RGS7: variants seen among roughly 807,000 people sequenced by gnomAD.
The protein encoded by RGS7 is regulator of G protein signaling 7.
Under a neutral mutation model 81.1 loss-of-function variants are expected in RGS7, and 27 were observed. The ratio of observed to expected loss-of-function variants is 0.33; its 90% CI spans 0.25 to 0.46. The LOEUF (loss-of-function observed/expected upper bound fraction) is 0.46. Among genes scored for constraint, RGS7 ranks in the 20% least tolerant of loss-of-function variants. The pLI is 1.00. For synonymous variants in RGS7, 208 were observed against 207.7 expected, an observed-to-expected ratio of 1.00 and a Z score of -0.01; for missense variants, 396 against 607.4, an observed-to-expected ratio of 0.65 and a Z score of 3.66.
intron 2 of RGS7, among the ~76,000 whole-genome samples, chr1:241,227,115 A>C (rs975524004): frequency 3.3e-5 from 5 of 152,150 alleles, no homozygotes; most frequent in Non-Finnish European, 7.4e-5. Flanking sequence ...CACTTATGTC[A>C]AGAGGGGAAA....
intron 2 of RGS7, chr1:241,305,743 G>A (rs1041991590): frequency 4.6e-6 from 1 of 217,448 alleles, no homozygotes; most frequent in Non-Finnish European, 9.4e-6. Flanking sequence ...CGCTCTATGG[G>A]ACAAAGCCAC....
chr1:240,959,732 T>A (rs901601310), intron 4 of RGS7, among the ~76,000 whole-genome samples: 3 of 152,216 alleles, frequency 2.0e-5, no homozygotes, highest in Non-Finnish European at 4.4e-5. Context: ...TGCAAATACA[T>A]AAGATGATAA....
chr1:240,944,176 C>T lies in RGS7; in HGVS notation c.227-7470G>A, dbSNP rs1572892630. Among the ~76,000 whole-genome samples the T allele has an allele frequency of 3.3e-5, 5 of 150,454 alleles. No homozygotes were observed. In the South Asian group the frequency reaches 6.3e-4, roughly 19 times the overall value. On this transcript the variant is annotated intron_variant, in intron 4 of 18. Coordinates refer to ENST00000440928, the MANE Select transcript of RGS7 (RefSeq NM_001364886.1). ...TGGTTTCAGATCTACATTATACAGC[C>T]TATATGATATTAGCATGTTCATTCC...
rs1174283175 is a variant in RGS7 at position 241,144,070 on chromosome 1, C to T, written c.79-45308G>A. The stretch of plus-strand genomic sequence containing the variant: ...AGCCCATGATATTTTCTTATAGCCG[C>T]CTGAGTGGACTAAGGCAGTAATGTA... On this transcript the variant is annotated intron_variant, in intron 2 of 18. Transcript: ENST00000440928. This position sits in a 1 kb window ranked among gnomAD's most constrained non-coding sequence, Gnocchi z 4.7. Among the ~76,000 whole-genome samples, 1 of 151,992 alleles carries T rather than the reference C, an allele frequency of 6.6e-6. No homozygotes were observed. The highest frequency in any genetic ancestry group is 1.9e-4 in the East Asian group (1 of 5,192).
intron 3 of RGS7, among the ~76,000 whole-genome samples, chr1:241,093,738 A>G (rs1273078286): frequency 6.6e-6 from 1 of 152,332 alleles, no homozygotes; most frequent in East Asian, 1.9e-4. Context: ...CTGCATTCCT[A>G]AGACCTTCTC....
intron 10 of RGS7, among the ~76,000 whole-genome samples, chr1:240,824,966 A>C (rs1692537706): frequency 6.6e-6 from 1 of 152,178 alleles, no homozygotes; most frequent in Non-Finnish European, 1.5e-5. Flanking sequence ...ACTCCACAGG[A>C]ACTGAACTTG....
At chr1:240,896,929 T>C (rs897142582) in intron 6 of RGS7, among the ~76,000 whole-genome samples, 4 of 152,348 alleles carry the variant, frequency 2.6e-5, no homozygotes, top group African/African-American at 9.6e-5. Context: ...TGGAATGTTA[T>C]TCCATTTGTT....
At position 241,013,737 on chromosome 1, in the gene RGS7, T is replaced by C. The variant is rs2059089567; in HGVS notation, c.176-30608A>G. ...AGGCAAAGCAAAAAGAAATGACCCCTGTCAAGGAATTTAAAAAGCTGTTAC... is the reference window on the plus strand; with the variant it reads ...AGGCAAAGCAAAAAGAAATGACCCCCGTCAAGGAATTTAAAAAGCTGTTAC... On this transcript the variant is annotated intron_variant, in intron 3 of 18. Transcript: ENST00000440928. Among the ~76,000 whole-genome samples the C allele has an allele frequency of 7.2e-5, 11 of 152,206 alleles. No individual in the cohort carries two copies. The South Asian group carries it at 2.3e-3, about 31-fold the overall frequency.
rs1262298799 is a variant in RGS7, at chr1:241,235,564, T to TTTTTC, written c.78+120130_78+120134dup. ...TTTCATTCTGATTGTAGAATGCTTC[T>TTTTTC]TTTTCTTTTCTTTTCTTTCTCTTTC... is the stretch of plus-strand genomic sequence containing the variant. On this transcript the variant is annotated intron_variant, in intron 2 of 18. Coordinates refer to ENST00000440928, the MANE Select transcript of RGS7 (RefSeq NM_001364886.1). 6.6e-5 allele frequency among the ~76,000 whole-genome samples: 10 copies of TTTTTC among 152,240 alleles called. No individual in the cohort carries two copies. The East Asian group carries it at 1.4e-3, about 21-fold the overall frequency.
chr1:241,025,715 G>T (rs142420681), intron 3 of RGS7, among the ~76,000 whole-genome samples: 7 of 151,466 alleles, frequency 4.6e-5, no homozygotes, highest in African/African-American at 1.7e-4. Flanking sequence ...TTTTAATGAA[G>T]GATATTACAG....
At position 241,274,184 on chromosome 1, in the gene RGS7, T is replaced by C. The variant is rs138434433; in HGVS notation, c.78+81515A>G. 4.9e-3 allele frequency among the ~76,000 whole-genome samples: 749 copies of C among 152,378 alleles called. 6 individuals carry two copies. The highest frequency in any genetic ancestry group is 0.014 in the Middle Eastern group (4 of 294). On this transcript the variant is annotated intron_variant, in intron 2 of 18. Transcript: ENST00000440928. ...GGAAGTGATAGTCTCTTGTACTTCC[T>C]ACATCTATCCAGATAGAAAAGTTCC... is the stretch of plus-strand genomic sequence containing the variant.
chr1:241,229,266 C>T (rs1304367158), intron 2 of RGS7, among the ~76,000 whole-genome samples: 1 of 152,202 alleles, frequency 6.6e-6, no homozygotes, highest in African/African-American at 2.4e-5. Flanking sequence ...TCCCCTCATA[C>T]TGCAGGTATA....
chr1:241,289,587 T>C (rs6693928), intron 2 of RGS7, among the ~76,000 whole-genome samples: 11,879 of 152,258 alleles, frequency 0.078, 502 homozygotes, highest in Non-Finnish European at 0.11. Flanking sequence ...TTCTATAACA[T>C]AGTTGTTAAA....
chr1:241,109,784 C>T (rs147582323), intron 2 of RGS7, among the ~76,000 whole-genome samples: 32 of 151,820 alleles, frequency 2.1e-4, no homozygotes, highest in Admixed American at 3.9e-4. Context: ...ATGGTGAAAC[C>T]GTCTCTCTAC....
Position 241,230,945 on chromosome 1 carries a change from T to C in RGS7, c.78+124754A>G, listed in dbSNP as rs1314409047. On this transcript the variant is annotated intron_variant, in intron 2 of 18. Coordinates refer to ENST00000440928, the MANE Select transcript of RGS7 (RefSeq NM_001364886.1). ...GATGCAAGTTAGTGCTTTATAAATT[T>C]ATATTTCCTCATCTTTTCAAGTTTT... Among the ~76,000 whole-genome samples the C allele has an allele frequency of 2.0e-5, 3 of 152,314 alleles. No individual in the cohort carries two copies. The East Asian group carries it at 5.8e-4, about 29-fold the overall frequency.
At chr1:240,980,995 A>G (rs1684830386) in intron 4 of RGS7, among the ~76,000 whole-genome samples, 1 of 152,250 alleles carries the variant, frequency 6.6e-6, no homozygotes, top group South Asian at 2.1e-4. Flanking sequence ...AGCTAAAACA[A>G]GATCCTACCT....
In RGS7 at chr1:240,868,158, G is replaced by GAAAGAAAGAAAGAAAGAAA. The variant is rs58571370; in HGVS notation, c.609+428_609+429insTTTCTTTCTTTCTTTCTTT. On this transcript the variant is annotated intron_variant, in intron 9 of 18. Transcript: ENST00000440928. The surrounding 1 kb of genome is among the most constrained non-coding windows in gnomAD (Gnocchi z 5.1). Reference sequence around the variant, plus strand: ...AGAAAGAAAGAAAGAAAGAAAGAAAGGACGGAGGGAGGGAAGGACGAAGGA... The same window carrying GAAAGAAAGAAAGAAAGAAA: ...AGAAAGAAAGAAAGAAAGAAAGAAAGAAAGAAAGAAAGAAAGAAAGACGGAGGGAGGGAAGGACGAAGGA... 6.7e-6 allele frequency among the ~76,000 whole-genome samples: 1 copy of GAAAGAAAGAAAGAAAGAAA among 149,356 alleles called. No individual in the cohort carries two copies. The highest frequency in any genetic ancestry group is 2.5e-5 in the African/African-American group (1 of 40,088).
intron 2 of RGS7, among the ~76,000 whole-genome samples, chr1:241,314,352 A>G (rs1237947927): frequency 2.6e-5 from 4 of 152,242 alleles, no homozygotes; most frequent in Non-Finnish European, 5.9e-5. Context: ...TTGAGGCAAG[A>G]TCCTCCCCAA....
chr1:240,947,671 A>T (rs1678868238), intron 4 of RGS7, among the ~76,000 whole-genome samples: 1 of 152,188 alleles, frequency 6.6e-6, no homozygotes, highest in African/African-American at 2.4e-5. Flanking sequence ...GAGTCACTGC[A>T]ACAACATTCA....
Sources: allele counts gnomAD v4.1 joint callset (sites outside exome capture counted in the v4.1 genomes callset), GRCh38; gene constraint gnomAD v4.1.1; non-coding constraint Gnocchi (gnomAD v3.1); transcripts MANE v1.5; gene names NCBI Gene and HGNC (gene_info 2026-07-23, HGNC 2026-07-21).